Variants in PCDHA11 observed in about 807,000 individuals in gnomAD.
The protein encoded by PCDHA11 is protocadherin alpha-11.
Under a neutral mutation model 70.3 loss-of-function variants are expected in PCDHA11, and 61 were observed. The observed-to-expected ratio is 0.87, with a 90% CI of 0.71 to 1.07. The LOEUF (loss-of-function observed/expected upper bound fraction) is 1.07. Ranked by LOEUF, PCDHA11 falls within the 50% of genes least tolerant of loss-of-function variation. PCDHA11 has a pLI of 0.00. For missense variants in PCDHA11, 1,324 were observed against 1,237.5 expected (o/e 1.07, Z -1.05); for synonymous variants, 633 against 555.1 (o/e 1.14, Z -1.97).
chr5:141,001,229 A>G (rs1055246744), intron 3 of PCDHA11, among the ~76,000 whole-genome samples: 41 of 152,314 alleles, frequency 2.7e-4, no homozygotes, highest in African/African-American at 9.1e-4. Flanking sequence ...AGTTACATTT[A>G]ATCTATAAAT....
At chr5:140,912,810 A>G (rs887666910) in intron 1 of PCDHA11, among the ~76,000 whole-genome samples, 16 of 152,202 alleles carry the variant, frequency 1.1e-4, no homozygotes, top group African/African-American at 3.6e-4. Flanking sequence ...GGTTTTTATC[A>G]TAAAGGGATT....
chr5:140,902,526 T>C (rs1388582391), intron 1 of PCDHA11, among the ~76,000 whole-genome samples: 1 of 152,140 alleles, frequency 6.6e-6, no homozygotes, highest in African/African-American at 2.4e-5. Flanking sequence ...GTTTTTATTA[T>C]GTTGAGGTAT....
chr5:140,956,243 C>T (rs2095270530), intron 1 of PCDHA11, among the ~76,000 whole-genome samples: 1 of 152,142 alleles, frequency 6.6e-6, no homozygotes, highest in African/African-American at 2.4e-5. Flanking sequence ...AAGGGGAATG[C>T]TTCCAGGTTT....
chr5:140,955,658 AT>A (rs1187332497), intron 1 of PCDHA11, among the ~76,000 whole-genome samples: 1 of 152,156 alleles, frequency 6.6e-6, no homozygotes, highest in African/African-American at 2.4e-5. Flanking sequence ...ACACATATGA[AT>A]TTTAACATAG....
chr5:140,929,138 G>C (rs150967804), intron 1 of PCDHA11: 183 of 1,614,054 alleles, frequency 1.1e-4, no homozygotes, highest in Non-Finnish European at 1.5e-4. Context: ...ACAGTTGAGA[G>C]ACTTTCTCAG....
At chr5:140,913,181 T>C (rs2076246657) in intron 1 of PCDHA11, among the ~76,000 whole-genome samples, 1 of 152,208 alleles carries the variant, frequency 6.6e-6, no homozygotes, top group Admixed American at 6.5e-5. Flanking sequence ...TCTTTAAATG[T>C]TTGGTAGAAT....
Position 140,983,978 on chromosome 5 carries a change from G to A in PCDHA11, c.2539+1415G>A, listed in dbSNP as rs529150173. Among the ~76,000 whole-genome samples the A allele has an allele frequency of 5.3e-5, 8 of 152,266 alleles. No individual in the cohort carries two copies. The South Asian group carries it at 1.5e-3, about 28-fold the overall frequency. Reference sequence around the variant, plus strand: ...AGTCACATTTGTCCAAAAAATATACGAGTTGAAGCAATTCATTAGAGAGCT... The same window carrying A: ...AGTCACATTTGTCCAAAAAATATACAAGTTGAAGCAATTCATTAGAGAGCT... On this transcript the variant is annotated intron_variant, in intron 3 of 3. Transcript: ENST00000398640.
chr5:140,928,701 G>T, intron 1 of PCDHA11: 1 of 1,614,132 alleles, frequency 6.2e-7, no homozygotes, highest in Non-Finnish European at 8.5e-7. Context: ...TCTCCCGGGC[G>T]TCTGACTCTA....
intron 1 of PCDHA11, among the ~76,000 whole-genome samples, chr5:140,897,219 C>T (rs1169975962): frequency 1.1e-4 from 17 of 152,004 alleles, no homozygotes; most frequent in Admixed American, 1.1e-3. Flanking sequence ...TTTTAGGGTA[C>T]ATGTGCACAA....
intron 1 of PCDHA11, among the ~76,000 whole-genome samples, chr5:140,871,971 G>A (rs2053418279): frequency 6.6e-6 from 1 of 152,204 alleles, no homozygotes; most frequent in South Asian, 2.1e-4. Context: ...GTCTTCCTAT[G>A]ATGTCCAGGT....
At chr5:140,941,048 T>C (rs1157859382) in intron 1 of PCDHA11, among the ~76,000 whole-genome samples, 1 of 152,138 alleles carries the variant, frequency 6.6e-6, no homozygotes, top group African/African-American at 2.4e-5. Context: ...CAAGTCAAAT[T>C]CCCCAGCAGT....
At chr5:140,889,144 A>G (rs2062119546) in intron 1 of PCDHA11, among the ~76,000 whole-genome samples, 1 of 151,794 alleles carries the variant, frequency 6.6e-6, no homozygotes, top group African/African-American at 2.4e-5. Flanking sequence ...TTTTCTTCCT[A>G]ATTTCTTCTT....
At chr5:140,903,585 T>C (rs928775971) in intron 1 of PCDHA11, among the ~76,000 whole-genome samples, 2 of 152,224 alleles carry the variant, frequency 1.3e-5, no homozygotes, top group Non-Finnish European at 2.9e-5. Context: ...TAGCTGGTGT[T>C]GGCCTGATAA....
chr5:140,971,718 G>A (rs1554233569), intron 1 of PCDHA11, among the ~76,000 whole-genome samples: 3 of 151,796 alleles, frequency 2.0e-5, no homozygotes, highest in Non-Finnish European at 2.9e-5. Flanking sequence ...ATAGATATAT[G>A]TATATCATAC....
At chr5:140,999,806 A>G (rs1230100139) in intron 3 of PCDHA11, among the ~76,000 whole-genome samples, 1 of 152,152 alleles carries the variant, frequency 6.6e-6, no homozygotes, top group African/African-American at 2.4e-5. Context: ...TTTGGGCACA[A>G]AGCAAGAGCT....
intron 1 of PCDHA11, chr5:140,884,511 G>A (rs1202323930): frequency 6.2e-7 from 1 of 1,614,192 alleles, no homozygotes; most frequent in Non-Finnish European, 8.5e-7. Flanking sequence ...GCAGGGAGTT[G>A]GTCGTACTCG....
At chr5:140,880,231 A>G (rs2058275588) in intron 1 of PCDHA11, among the ~76,000 whole-genome samples, 1 of 152,266 alleles carries the variant, frequency 6.6e-6, no homozygotes, top group South Asian at 2.1e-4. Context: ...CATTTAAATT[A>G]GTGTATGTGC....
At chr5:140,964,378 T>A (rs182628269) in intron 1 of PCDHA11, among the ~76,000 whole-genome samples, 1 of 151,270 alleles carries the variant, frequency 6.6e-6, no homozygotes, top group Non-Finnish European at 1.5e-5. Context: ...GAAAGGAGAG[T>A]CCTGGTTTTT....
intron 1 of PCDHA11, chr5:140,926,714 C>G: frequency 1.1e-6 from 1 of 951,084 alleles, no homozygotes; most frequent in Non-Finnish European, 1.4e-6. Context: ...TGGCCAGCCC[C>G]GGCAATGCCG....
Sources: gnomAD v4.1 joint callset for allele counts (sites outside exome capture counted in the v4.1 genomes callset) on GRCh38, gnomAD v4.1.1 for gene constraint, MANE v1.5 for transcripts, NCBI Gene and HGNC (gene_info 2026-07-23, HGNC 2026-07-21) for gene names.